NUP210: variants seen among roughly 807,000 people sequenced by gnomAD.
NUP210 encodes the protein nuclear pore membrane glycoprotein 210.
Under a neutral mutation model 196.0 loss-of-function variants are expected in NUP210, and 151 were observed. The ratio of observed to expected loss-of-function variants is 0.77; its 90% CI spans 0.67 to 0.88. NUP210 has a LOEUF of 0.88. Among genes scored for constraint, NUP210 ranks in the 40% least tolerant of loss-of-function variants. NUP210 has a pLI of 0.00. For missense variants in NUP210, 2,314 were observed against 2,493.7 expected (o/e 0.93, Z 1.53); for synonymous variants, 1,070 against 1,052.7 (o/e 1.02, Z -0.32).
In NUP210 at chr3:13,376,368, C is replaced by A; in HGVS notation, c.1216G>T (p.Gly406Trp). Reference protein sequence around the residue: ...FFEVLSSSQNGSYHRIRALKR... With the variant: ...FFEVLSSSQNWSYHRIRALKR... The stretch of plus-strand genomic sequence containing the variant: ...AGTGCCCTGATGCGATGGTATGACC[C>A]ATTCTGGGAGGACGAGAGCACCTCG... Residue 406 changes from glycine (G) to tryptophan (W), a missense_variant, in exon 10 of 40, where the codon GGG (glycine) becomes TGG (tryptophan). By Grantham distance (184) the Gly-to-Trp change is radical. Transcript: ENST00000254508. 6.2e-7 allele frequency: 1 copy of A among 1,614,226 alleles called. No homozygotes were observed. The highest frequency in any genetic ancestry group is 8.5e-7 in the Non-Finnish European group (1 of 1,180,030).
intron 21 of NUP210, 60 bp from the exon 22 acceptor site, chr3:13,342,183 G>T: frequency 6.3e-7 from 1 of 1,595,864 alleles, no homozygotes; most frequent in Non-Finnish European, 8.6e-7. Context: ...TACCATCTAT[G>T]GTGCTCCGTG....
chr3:13,398,747 C>A (rs1699744961), intron 2 of NUP210, among the ~76,000 whole-genome samples: 1 of 152,116 alleles, frequency 6.6e-6, no homozygotes, highest in African/African-American at 2.4e-5. Context: ...CAGGGAGACG[C>A]CCAACTCGCC....
intron 1 of NUP210, among the ~76,000 whole-genome samples, chr3:13,407,321 G>A (rs1245263297): frequency 3.9e-5 from 6 of 152,144 alleles, no homozygotes; most frequent in South Asian, 2.1e-4. Context: ...AGGATGGCTT[G>A]AGCCCAGGAG....
At chr3:13,335,822 C>G (rs1296232718) in intron 27 of NUP210, among the ~76,000 whole-genome samples, 1 of 152,234 alleles carries the variant, frequency 6.6e-6, no homozygotes. Context: ...TGCCCGGGTC[C>G]TGCCCTGCCT....
In NUP210 at chr3:13,327,375, C is replaced by T. The variant is rs770407419; in HGVS notation, c.4349G>A (p.Ser1450Asn). The T allele has an allele frequency of 1.9e-5, 30 of 1,613,558 alleles. No homozygotes were observed. In the Admixed American group the frequency reaches 5.0e-4, roughly 27 times the overall value. ...CACACGGAGCAGTGTCAGGCCCACG[C>T]TGACTGTGCGGACAACGCAGGTGTT... Reference protein sequence around the residue: ...TNNTCVVRTVSVGLTLLRVWD... With the variant: ...TNNTCVVRTVNVGLTLLRVWD... Residue 1450 changes from serine (S) to asparagine (N), a missense_variant, in exon 32 of 40, where the codon AGC (serine) becomes AAC (asparagine). By Grantham distance (46) the Ser-to-Asn change is conservative. Coordinates refer to ENST00000254508, the MANE Select transcript of NUP210 (RefSeq NM_024923.4).
intron 1 of NUP210, among the ~76,000 whole-genome samples, chr3:13,403,523 A>G (rs1388949940): frequency 6.6e-6 from 1 of 152,204 alleles, no homozygotes; most frequent in Non-Finnish European, 1.5e-5. Context: ...GTGTCAACAC[A>G]TGAGTCTGAG....
chr3:13,352,289 C>G, intron 18 of NUP210, 105 bp from the exon 19 acceptor site: 1 of 777,402 alleles, frequency 1.3e-6, no homozygotes, highest in Non-Finnish European at 2.1e-6. Flanking sequence ...CTCCTGGCCA[C>G]AAGCCCCTGG....
chr3:13,393,892 C>G (rs7641084), intron 3 of NUP210, among the ~76,000 whole-genome samples: 88,764 of 152,146 alleles, frequency 0.58, 27,247 homozygotes, highest in African/African-American at 0.78. Flanking sequence ...TCCTGCAGGA[C>G]AGCTGAAGGA....
chr3:13,406,481 G>A (rs905775979), intron 1 of NUP210, among the ~76,000 whole-genome samples: 1 of 152,094 alleles, frequency 6.6e-6, no homozygotes, highest in African/African-American at 2.4e-5. Context: ...ACTCAAAACC[G>A]GGTCTGGAGA....
intron 35 of NUP210, 52 bp from the exon 36 acceptor site, chr3:13,321,887 T>C (rs558458381): frequency 7.0e-6 from 11 of 1,573,948 alleles, no homozygotes; most frequent in African/African-American, 5.4e-5. Context: ...CGTGCACTGA[T>C]GTCATTTCTT....
intron 33 of NUP210, among the ~76,000 whole-genome samples, chr3:13,324,021 G>T (rs1047410043): frequency 6.6e-6 from 1 of 152,162 alleles, no homozygotes; most frequent in Non-Finnish European, 1.5e-5. Flanking sequence ...CAGGAGATCT[G>T]ATTTCTACCA....
chr3:13,390,883 C>A (rs1362282091), intron 4 of NUP210, among the ~76,000 whole-genome samples: 1 of 152,218 alleles, frequency 6.6e-6, no homozygotes, highest in African/African-American at 2.4e-5. Context: ...CTTTAACTGG[C>A]CCCCCAGAAG....
At chr3:13,396,847 G>C (rs1699673062) in intron 3 of NUP210, among the ~76,000 whole-genome samples, 1 of 149,158 alleles carries the variant, frequency 6.7e-6, no homozygotes, top group African/African-American at 2.5e-5. Context: ...GCCCATATTT[G>C]ACTCTGGCAA....
At chr3:13,324,788 T>G (rs546836329) in intron 33 of NUP210, among the ~76,000 whole-genome samples, 6 of 152,184 alleles carry the variant, frequency 3.9e-5, no homozygotes, top group African/African-American at 1.4e-4. Context: ...CCACTGAGTG[T>G]GGCATAAGCT....
chr3:13,318,279 C>T (rs1271968583), intron 39 of NUP210, among the ~76,000 whole-genome samples: 1 of 152,086 alleles, frequency 6.6e-6, no homozygotes, highest in East Asian at 1.9e-4. Context: ...GGCAGCAGAG[C>T]CGCGAGGAGG....
intron 3 of NUP210, among the ~76,000 whole-genome samples, chr3:13,395,509 G>C (rs1699622853): frequency 6.6e-6 from 1 of 152,158 alleles, no homozygotes; most frequent in South Asian, 2.1e-4. Flanking sequence ...GTAGAGACAG[G>C]GTTTCACCAT....
At chr3:13,354,169 C>T (rs916131814) in intron 16 of NUP210, 62 bp from the exon 17 acceptor site, 23 of 1,408,130 alleles carry the variant, frequency 1.6e-5, no homozygotes, top group Admixed American at 4.1e-5. Flanking sequence ...ACACTGACCA[C>T]GCAGTGCACT....
intron 8 of NUP210, 126 bp from the exon 9 acceptor site, chr3:13,377,688 G>A (rs980859189): frequency 4.6e-6 from 3 of 649,142 alleles, no homozygotes; most frequent in East Asian, 2.9e-5. Flanking sequence ...CCACCCACCT[G>A]CAGGCCCCAC....
At chr3:13,351,523 C>T in intron 20 of NUP210, 1 of 188,754 alleles carries the variant, frequency 5.3e-6, no homozygotes, top group Non-Finnish European at 1.1e-5. Flanking sequence ...GTTTCTCACC[C>T]AGGTCTGTTG....
Sources: gnomAD v4.1 joint callset for allele counts (sites outside exome capture counted in the v4.1 genomes callset) on GRCh38, gnomAD v4.1.1 for gene constraint, MANE v1.5 for transcripts, NCBI Gene and HGNC (gene_info 2026-07-23, HGNC 2026-07-21) for gene names.